Variants in MDM2 observed in about 807,000 individuals in gnomAD.
MDM2 encodes the protein E3 ubiquitin-protein ligase Mdm2.
MDM2 carries 11 observed loss-of-function variants against 64.3 expected under a neutral mutation model. The ratio of observed to expected loss-of-function variants is 0.17; its 90% CI spans 0.11 to 0.28. The LOEUF (loss-of-function observed/expected upper bound fraction) is 0.28, where lower values mean the gene tolerates loss of function less well. Ranked by LOEUF, MDM2 falls within the 10% of genes least tolerant of loss-of-function variation. MDM2 has a pLI of 1.00. For missense variants in MDM2, 388 were observed against 577.1 expected (o/e 0.67, Z 3.36); for synonymous variants, 194 against 192.9 (o/e 1.01, Z -0.05).
At chr12:68,833,310 A>ATAT in intron 8 of MDM2, among the ~76,000 whole-genome samples, 1 of 55,816 alleles carries the variant, frequency 1.8e-5, no homozygotes, top group African/African-American at 7.9e-5. Context: ...TATAAATATA[A>ATAT]AAATATAATT....
At chr12:68,809,154 T>C (rs564577782) in intron 1 of MDM2, 54 bp from the exon 2 acceptor site, 1 of 1,604,058 alleles carries the variant, frequency 6.2e-7, no homozygotes, top group South Asian at 1.1e-5. Flanking sequence ...TGATGTATTT[T>C]CCACAGATGT....
chr12:68,816,362 C>CTTTTTTTTTTTTTTTTTTT (rs62874563), intron 3 of MDM2, among the ~76,000 whole-genome samples: 1 of 61,064 alleles, frequency 1.6e-5, no homozygotes, highest in Non-Finnish European at 2.8e-5. Context: ...TTAAAAGTAG[C>CTTTTTTTTTTTTTTTTTTT]TTTTTTTTTT....
chr12:68,824,309 CCCCGCCG>C, intron 5 of MDM2, 47 bp from the exon 6 acceptor site: 2 of 1,281,352 alleles, frequency 1.6e-6, no homozygotes, highest in African/African-American at 1.5e-5. Context: ...CTGAGTAGCG[CCCCGCCG>C]CCCCCCGCCC....
At chr12:68,837,625 G>A (rs1312206669) in intron 10 of MDM2, among the ~76,000 whole-genome samples, 3 of 152,062 alleles carry the variant, frequency 2.0e-5, no homozygotes, top group African/African-American at 7.2e-5. Flanking sequence ...CAAAGTGCAA[G>A]GATTACAGGT....
At chr12:68,809,443 AGTTAAAAACT>A in intron 2 of MDM2, 151 bp downstream of exon 2, 1 of 720,336 alleles carries the variant, frequency 1.4e-6, no homozygotes, top group Admixed American at 2.5e-5. Flanking sequence ...AACTGCGTGG[AGTTAAAAACT>A]GTTAAGAACT....
chr12:68,820,522 G>A, intron 5 of MDM2, 148 bp downstream of exon 5: 1 of 652,442 alleles, frequency 1.5e-6, no homozygotes, highest in South Asian at 1.9e-5. Flanking sequence ...TTTATTAGAA[G>A]TACATATGAA....
At chr12:68,831,460 A>G (rs1882790048) in intron 8 of MDM2, among the ~76,000 whole-genome samples, 3 of 152,048 alleles carry the variant, frequency 2.0e-5, no homozygotes, top group Non-Finnish European at 4.4e-5. Context: ...ATGCCATGAC[A>G]TTTTACACAC....
Position 68,844,976 on chromosome 12 carries a change from C to T in MDM2, c.*5127C>T, listed in dbSNP as rs1016024773. 11 of 193,552 alleles carry T rather than the reference C, an allele frequency of 5.7e-5. No individual in the cohort carries two copies. Among genetic ancestry groups the T allele is most frequent in the African/African-American group, 2.6e-4 (11 of 43,062 alleles). The allele number at this position is 193,552 out of a possible 1,614,324, so 12.0% of individuals were successfully genotyped here. On this transcript the variant is annotated 3_prime_UTR_variant, in exon 11 of 11. Coordinates refer to ENST00000258149, the MANE Select transcript of MDM2 (RefSeq NM_002392.6). ...AGAGATGAAGTTTCACTATGTTGGC[C>T]AGGCTGGGCTCAAACTCCTGACCTC...
rs371031315 is a variant in MDM2 at position 68,839,534 on chromosome 12, A to G, written c.1179A>G (p.Gln393=). 1.3e-5 allele frequency: 21 copies of G among 1,613,902 alleles called. No homozygotes were observed. The highest frequency in any genetic ancestry group is 1.7e-5 in the Admixed American group (1 of 59,964). ...ENDDKITQAS[Q]SQESEDYSQP... ...ATGATAAAATTACACAAGCTTCACA[A>G]TCACAAGAAAGTGAAGACTATTCTC... Residue 393 remains glutamine, a synonymous_variant, in exon 11 of 11, where the codon CAA becomes CAG. Transcript: ENST00000258149.
chr12:68,828,630 C>T, intron 7 of MDM2, 141 bp from the exon 8 acceptor site: 1 of 646,550 alleles, frequency 1.5e-6, no homozygotes, highest in South Asian at 2.0e-5. Flanking sequence ...TCTGCTGTAA[C>T]AGTTGGACAG....
chr12:68,837,003 G>C (rs952557891), intron 10 of MDM2, among the ~76,000 whole-genome samples: 19 of 150,486 alleles, frequency 1.3e-4, no homozygotes, highest in Non-Finnish European at 4.4e-5. Context: ...TCCCAAGCTG[G>C]AGTGCAGTGG....
intron 8 of MDM2, among the ~76,000 whole-genome samples, chr12:68,831,265 A>G (rs926448821): frequency 1.6e-4 from 25 of 152,286 alleles, no homozygotes; most frequent in Middle Eastern, 3.4e-3. Context: ...AGACAGAGGG[A>G]GGGGGGCTCT....
intron 1 of MDM2, chr12:68,808,942 C>G (rs972515453): frequency 8.0e-6 from 11 of 1,378,196 alleles, no homozygotes; most frequent in Non-Finnish European, 8.4e-6. Context: ...CAGACACGTT[C>G]CGAAACTGCA....
chr12:68,830,664 T>C (rs976851621), intron 8 of MDM2, among the ~76,000 whole-genome samples: 5 of 152,158 alleles, frequency 3.3e-5, no homozygotes, highest in Admixed American at 2.6e-4. Context: ...TTGATGAGTA[T>C]CCAACCTACA....
intron 8 of MDM2, among the ~76,000 whole-genome samples, chr12:68,831,091 C>G (rs939433643): frequency 6.6e-6 from 1 of 152,170 alleles, no homozygotes; most frequent in African/African-American, 2.4e-5. Flanking sequence ...ACCTGGGACA[C>G]TGCCTTGTTA....
intron 8 of MDM2, among the ~76,000 whole-genome samples, chr12:68,831,289 G>C (rs148592023): frequency 1.0e-3 from 158 of 152,304 alleles, no homozygotes; most frequent in Admixed American, 3.7e-3. Flanking sequence ...GCTGAAAGAG[G>C]AGACCTTACA....
intron 9 of MDM2, 55 bp from the exon 10 acceptor site, chr12:68,836,617 T>G (rs993841790): frequency 8.0e-7 from 1 of 1,245,278 alleles, no homozygotes; most frequent in African/African-American, 1.5e-5. Flanking sequence ...CTAGGAAGCC[T>G]TCTGATTGAA....
intron 10 of MDM2, 87 bp from the exon 11 acceptor site, chr12:68,839,187 C>T (rs1883544783): frequency 1.6e-6 from 2 of 1,248,598 alleles, no homozygotes; most frequent in Non-Finnish European, 2.2e-6. Flanking sequence ...ATATACTTTA[C>T]CTTAGACATA....
chr12:68,808,635 C>A, intron 1 of MDM2, 144 bp downstream of exon 1: 3 of 1,264,428 alleles, frequency 2.4e-6, no homozygotes, highest in Non-Finnish European at 3.3e-6. Flanking sequence ...GGGCATGGGG[C>A]ACGTGGCTTT....
Sources: allele counts gnomAD v4.1 joint callset (sites outside exome capture counted in the v4.1 genomes callset), GRCh38; gene constraint gnomAD v4.1.1; transcripts MANE v1.5; gene names NCBI Gene and HGNC (gene_info 2026-07-23, HGNC 2026-07-21).